The following PPTC7 variants were observed in gnomAD, a reference collection of about 807,000 sequenced individuals.
PPTC7 encodes the protein protein phosphatase PTC7 homolog.
PPTC7 carries 6 observed loss-of-function variants against 30.8 expected under a neutral mutation model. The observed-to-expected ratio is 0.19, with a 90% CI of 0.11 to 0.38. The LOEUF is 0.38. Among genes scored for constraint, PPTC7 ranks in the 10% least tolerant of loss-of-function variants. PPTC7 has a pLI of 1.00. For missense variants in PPTC7, 218 were observed against 404.8 expected (o/e 0.54, Z 3.96); for synonymous variants, 163 against 168.1 (o/e 0.97, Z 0.23).
At chr12:110,557,267 T>C (rs1015850528) in intron 1 of PPTC7, among the ~76,000 whole-genome samples, 2 of 152,158 alleles carry the variant, frequency 1.3e-5, no homozygotes, top group Non-Finnish European at 2.9e-5. Context: ...AAAACTAAAA[T>C]GACTTAGTAG....
intron 3 of PPTC7, among the ~76,000 whole-genome samples, chr12:110,541,991 C>T (rs1197867746): frequency 4.0e-5 from 6 of 151,112 alleles, no homozygotes; most frequent in Admixed American, 6.6e-5. Context: ...GCTAAAAATA[C>T]AAACGTTAGC....
intron 1 of PPTC7, among the ~76,000 whole-genome samples, chr12:110,581,165 T>C (rs1481843160): frequency 6.6e-6 from 1 of 152,130 alleles, no homozygotes; most frequent in African/African-American, 2.4e-5. Flanking sequence ...TCCCAGCACC[T>C]TGGGCGGCCG....
intron 3 of PPTC7, among the ~76,000 whole-genome samples, chr12:110,545,670 T>G (rs576701667): frequency 6.6e-6 from 1 of 152,326 alleles, no homozygotes; most frequent in African/African-American, 2.4e-5. Flanking sequence ...CTTGTCAAAT[T>G]ATTGGGTATT....
chr12:110,560,675 C>T (rs1387223300), intron 1 of PPTC7, among the ~76,000 whole-genome samples: 6 of 152,148 alleles, frequency 3.9e-5, no homozygotes, highest in Admixed American at 3.3e-4. Context: ...TCTAGAAGAA[C>T]GCGATGCCTA....
intron 1 of PPTC7, among the ~76,000 whole-genome samples, chr12:110,574,496 C>T (rs2064570373): frequency 6.6e-6 from 1 of 152,082 alleles, no homozygotes; most frequent in African/African-American, 2.4e-5. Flanking sequence ...TTCCCCATTG[C>T]CCAATCCTCA....
At chr12:110,582,155 T>C (rs1406932431) in intron 1 of PPTC7, among the ~76,000 whole-genome samples, 4 of 152,096 alleles carry the variant, frequency 2.6e-5, no homozygotes, top group Non-Finnish European at 5.9e-5. Context: ...GCTCGACCAT[T>C]CTATTTTGGA....
chr12:110,564,563 A>T (rs1209836665), intron 1 of PPTC7, among the ~76,000 whole-genome samples: 3 of 152,072 alleles, frequency 2.0e-5, no homozygotes, highest in Non-Finnish European at 4.4e-5. Flanking sequence ...CTATTTACCC[A>T]CTGCTTTCTT....
Position 110,580,018 on chromosome 12 carries a change from C to T in PPTC7, c.223+2791G>A, listed in dbSNP as rs143527155. 4.7e-3 allele frequency among the ~76,000 whole-genome samples: 703 copies of T among 151,166 alleles called. 4 individuals carry two copies. Among genetic ancestry groups the T allele is most frequent in the African/African-American group, 0.017 (683 of 41,200 alleles). On this transcript the variant is annotated intron_variant, in intron 1 of 5. Transcript: ENST00000354300. ...ACAAGAGCGAAACTCCATACCCGCA[C>T]CCCCCACCCACCAAAAAAAAAAAAG...
Position 110,534,752 on chromosome 12 carries a change from CA to C in PPTC7, c.*2284del, listed in dbSNP as rs2064206292. On this transcript the variant is annotated 3_prime_UTR_variant, in exon 6 of 6. Transcript: ENST00000354300. Reference sequence around the variant, plus strand: ...ACTTTCAGTATCACTGGAACAAACACATCGTCAATTTCTAACAATCGTTTCT... The same window carrying C: ...ACTTTCAGTATCACTGGAACAAACACTCGTCAATTTCTAACAATCGTTTCT... 1 of 152,268 alleles carries C rather than the reference CA, an allele frequency of 6.6e-6. No homozygotes were observed. Among genetic ancestry groups the C allele is most frequent in the Non-Finnish European group, 1.5e-5 (1 of 68,034 alleles). 9.4% of individuals were successfully genotyped at this position (152,268 alleles called of 1,614,324 possible). A position where few individuals can be genotyped will look rare whatever the true frequency, so the allele number is the denominator to read the frequency against.
chr12:110,555,558 G>A (rs1191000964), intron 1 of PPTC7, among the ~76,000 whole-genome samples: 1 of 152,208 alleles, frequency 6.6e-6, no homozygotes, highest in Admixed American at 6.5e-5. Flanking sequence ...CTGCTGTGTG[G>A]AGAGCAAGAG....
At chr12:110,547,968 G>A (rs1593148149) in intron 2 of PPTC7, among the ~76,000 whole-genome samples, 3 of 152,136 alleles carry the variant, frequency 2.0e-5, no homozygotes, top group Admixed American at 2.0e-4. Context: ...TTAGCTGGAC[G>A]TGGTGGTGCA....
In PPTC7 at chr12:110,538,270, A is replaced by G. The variant is rs1386491052; in HGVS notation, c.730T>C (p.Ser244Pro). ...ILQELKKLKN[S>P]NYESIQQTAR... is the part of the protein sequence containing the mutation. ...GTCTGTTGTATACTCTCATAATTTGAATTCTAAGATAAAGCATGAGGAAGT... is the reference window on the plus strand; with the variant it reads ...GTCTGTTGTATACTCTCATAATTTGGATTCTAAGATAAAGCATGAGGAAGT... Residue 244 changes from serine (S) to proline (P), a missense_variant, in exon 5 of 6, where the codon TCA (serine) becomes CCA (proline). Ser to Pro is a moderately conservative substitution (Grantham distance 74, BLOSUM62 -1). Coordinates refer to ENST00000354300, the MANE Select transcript of PPTC7 (RefSeq NM_139283.2). 6.2e-7 allele frequency: 1 copy of G among 1,613,876 alleles called. No homozygotes were observed. The highest frequency in any genetic ancestry group is 8.5e-7 in the Non-Finnish European group (1 of 1,179,790).
At chr12:110,563,545 G>A (rs2064456083) in intron 1 of PPTC7, among the ~76,000 whole-genome samples, 2 of 152,124 alleles carry the variant, frequency 1.3e-5, no homozygotes, top group African/African-American at 2.4e-5. Context: ...AACCTGGGAG[G>A]CAGAGGTTGT....
At chr12:110,552,164 G>C (rs1372797648) in intron 1 of PPTC7, among the ~76,000 whole-genome samples, 196 bp from the exon 2 acceptor site, 1 of 152,144 alleles carries the variant, frequency 6.6e-6, no homozygotes, top group African/African-American at 2.4e-5. Flanking sequence ...CTTAGAATTT[G>C]GCCTTTCATA....
chr12:110,573,720 A>T (rs183058702), intron 1 of PPTC7, among the ~76,000 whole-genome samples: 8 of 151,954 alleles, frequency 5.3e-5, no homozygotes, highest in South Asian at 4.2e-4. Context: ...GGTGGCTCAC[A>T]CCTGTAATCC....
intron 3 of PPTC7, among the ~76,000 whole-genome samples, chr12:110,543,390 T>G (rs370687644): frequency 2.6e-5 from 4 of 151,400 alleles, no homozygotes; most frequent in Admixed American, 2.6e-4. Context: ...AAAATAATAT[T>G]CTGTAGATAA....
At chr12:110,565,268 C>T (rs1395844366) in intron 1 of PPTC7, among the ~76,000 whole-genome samples, 3 of 149,958 alleles carry the variant, frequency 2.0e-5, no homozygotes, top group Admixed American at 1.3e-4. Context: ...TGTTTTGTTT[C>T]GTTTTTCAGA....
At chr12:110,545,281 T>C (rs1028148263) in intron 3 of PPTC7, among the ~76,000 whole-genome samples, 10 of 152,108 alleles carry the variant, frequency 6.6e-5, no homozygotes, top group African/African-American at 2.4e-4. Context: ...TTAGTAGAGA[T>C]GGGGTTTCAC....
chr12:110,547,136 T>C (rs1415864584), intron 2 of PPTC7, among the ~76,000 whole-genome samples: 1 of 152,112 alleles, frequency 6.6e-6, no homozygotes, highest in Non-Finnish European at 1.5e-5. Context: ...AAGACTTAAG[T>C]ACAAAAATAT....
Sources: gnomAD v4.1 joint callset for allele counts (sites outside exome capture counted in the v4.1 genomes callset) on GRCh38, gnomAD v4.1.1 for gene constraint, MANE v1.5 for transcripts, NCBI Gene and HGNC (gene_info 2026-07-23, HGNC 2026-07-21) for gene names.